Variants in KCNT1 observed in about 807,000 individuals in gnomAD.
KCNT1 encodes potassium channel subfamily T member 1.
KCNT1 carries 78 observed loss-of-function variants against 147.8 expected under a neutral mutation model. The observed-to-expected ratio is 0.53, with a 90% CI of 0.44 to 0.64. The LOEUF (loss-of-function observed/expected upper bound fraction) is 0.64. Among genes scored for constraint, KCNT1 ranks in the 30% least tolerant of loss-of-function variants. The probability of loss-of-function intolerance (pLI) is 0.00; values close to 1 mark genes in which losing one functional copy is unlikely to be tolerated. For missense variants in KCNT1, 1,419 were observed against 1,750.3 expected (o/e 0.81, Z 3.38); for synonymous variants, 867 against 748.8 (o/e 1.16, Z -2.58).
rs537415384 is a variant in KCNT1, at chr9:135,782,341, C to T, written c.2842-1683C>T. ...GAGGAGTCTCTCCCCTGAGGCCCAC[C>T]TCCCCTGCCGTCCACCTCCCCTGGT... On this transcript the variant is annotated intron_variant, in intron 24 of 30. Transcript: ENST00000371757. Among the ~76,000 whole-genome samples the T allele has an allele frequency of 7.7e-3, 1,178 of 152,294 alleles. 3 individuals are homozygous for T. The highest frequency in any genetic ancestry group is 0.013 in the Non-Finnish European group (867 of 68,014).
At chr9:135,706,235 G>A (rs1835249502) in intron 1 of KCNT1, among the ~76,000 whole-genome samples, 1 of 152,202 alleles carries the variant, frequency 6.6e-6, no homozygotes, top group Non-Finnish European at 1.5e-5. Flanking sequence ...AAGCTGTGTT[G>A]GCGTCGGGAG....
chr9:135,745,042 C>A (rs1026596098), intron 2 of KCNT1, among the ~76,000 whole-genome samples: 2 of 152,212 alleles, frequency 1.3e-5, no homozygotes, highest in African/African-American at 4.8e-5. Flanking sequence ...GACCCGTGGC[C>A]GGGGATCCGG....
intron 2 of KCNT1, among the ~76,000 whole-genome samples, chr9:135,746,394 C>CAGG (rs1830834994): frequency 6.6e-6 from 1 of 152,160 alleles, no homozygotes; most frequent in East Asian, 1.9e-4. Context: ...TCTGGGGTGC[C>CAGG]AGGAGGAGGT....
chr9:135,737,922 C>A (rs913888686), intron 2 of KCNT1, among the ~76,000 whole-genome samples: 1 of 152,220 alleles, frequency 6.6e-6, no homozygotes, highest in Non-Finnish European at 1.5e-5. Context: ...GGGCAGCCTC[C>A]GCCAGGGAGG....
chr9:135,719,514 A>G (rs1835843736), intron 2 of KCNT1, among the ~76,000 whole-genome samples: 2 of 152,254 alleles, frequency 1.3e-5, no homozygotes, highest in South Asian at 4.1e-4. Flanking sequence ...ATTCCAGACA[A>G]GGAGTCCCAG....
At position 135,778,733 on chromosome 9, in the gene KCNT1, G is replaced by T; in HGVS notation, c.2640G>T (p.Leu880=). 2.5e-6 allele frequency: 4 copies of T among 1,613,842 alleles called. No homozygotes were observed. Among genetic ancestry groups the T allele is most frequent in the Non-Finnish European group, 3.4e-6 (4 of 1,179,928 alleles). The change falls in exon 23 of 31, where the codon CTG becomes CTT. Residue 880 remains leucine, a synonymous_variant. Transcript: ENST00000371757. ...LQCGIIYADN[L]VVVDKESTMS... is the part of the protein sequence containing the mutation. Reference sequence around the variant, plus strand: ...GTGGCATCATCTATGCGGACAACCTGGTGGTGGTGGACAAGGAGAGCACCA... The same window carrying T: ...GTGGCATCATCTATGCGGACAACCTTGTGGTGGTGGACAAGGAGAGCACCA...
intron 25 of KCNT1, 21 bp downstream of exon 25, chr9:135,784,146 A>G (rs1489711326): frequency 6.3e-7 from 1 of 1,588,860 alleles, no homozygotes; most frequent in African/African-American, 1.3e-5. Flanking sequence ...AAGCGGCAGC[A>G]GGAGGGTGGC....
chr9:135,778,629 G>A, intron 22 of KCNT1, 59 bp from the exon 23 acceptor site: 2 of 1,608,662 alleles, frequency 1.2e-6, no homozygotes, highest in Admixed American at 1.7e-5. Context: ...AAATCCCGGG[G>A]TCCTGTGGGT....
At chr9:135,751,990 C>T in intron 4 of KCNT1, 1 of 200,972 alleles carries the variant, frequency 5.0e-6, no homozygotes, top group Non-Finnish European at 1.0e-5. Context: ...TTACGCTTTC[C>T]CCATCTGCTG....
intron 2 of KCNT1, among the ~76,000 whole-genome samples, chr9:135,747,964 C>A (rs1197117805): frequency 6.6e-6 from 1 of 152,160 alleles, no homozygotes; most frequent in East Asian, 1.9e-4. Context: ...ATTTTTGAGA[C>A]AGGGCCTCGC....
chr9:135,722,952 G>T (rs144702785), intron 2 of KCNT1, among the ~76,000 whole-genome samples: 1 of 152,218 alleles, frequency 6.6e-6, no homozygotes, highest in African/African-American at 2.4e-5. Flanking sequence ...AAAAGATGTC[G>T]TGGGAAATCC....
chr9:135,717,499 C>G (rs1564316624), intron 2 of KCNT1, among the ~76,000 whole-genome samples: 2 of 152,048 alleles, frequency 1.3e-5, no homozygotes, highest in Non-Finnish European at 2.9e-5. Context: ...TTGCCTGGCT[C>G]CCCCTGGAGG....
chr9:135,758,566 G>A (rs1831677111), intron 10 of KCNT1, 58 bp downstream of exon 10: 2 of 1,371,900 alleles, frequency 1.5e-6, no homozygotes, highest in African/African-American at 1.4e-5. Context: ...CGAGAGGCAA[G>A]CAGGGCCGGG....
intron 13 of KCNT1, 165 bp from the exon 14 acceptor site, chr9:135,768,445 T>C: frequency 1.8e-6 from 1 of 545,862 alleles, no homozygotes. Context: ...CCTCCCCGCC[T>C]TCCATCCTCT....
intron 19 of KCNT1, 86 bp downstream of exon 19, chr9:135,773,035 T>A: frequency 1.1e-6 from 1 of 928,618 alleles, no homozygotes; most frequent in Non-Finnish European, 1.5e-6. Flanking sequence ...TCCTTGGTGG[T>A]CCCCCATGCT....
intron 21 of KCNT1, 135 bp from the exon 22 acceptor site, chr9:135,778,289 C>T (rs1410230157): frequency 1.4e-6 from 1 of 725,282 alleles, no homozygotes. Flanking sequence ...AAAGTACTCC[C>T]CAGGTCCCAT....
chr9:135,741,072 A>G (rs1479016172), intron 2 of KCNT1, among the ~76,000 whole-genome samples: 1 of 152,064 alleles, frequency 6.6e-6, no homozygotes, highest in African/African-American at 2.4e-5. Context: ...CCCTGGGTGG[A>G]TCCTCTACCC....
At chr9:135,708,033 G>T (rs959555905) in intron 1 of KCNT1, among the ~76,000 whole-genome samples, 1 of 152,272 alleles carries the variant, frequency 6.6e-6, no homozygotes, top group East Asian at 1.9e-4. Flanking sequence ...TTTAATCATC[G>T]TGCAAAGGAA....
chr9:135,754,811 C>T (rs2131425747), intron 5 of KCNT1, among the ~76,000 whole-genome samples: 1 of 152,294 alleles, frequency 6.6e-6, no homozygotes. Flanking sequence ...GAAGCTTTGC[C>T]ACCCTTGGTA....
Sources: allele counts gnomAD v4.1 joint callset (sites outside exome capture counted in the v4.1 genomes callset), GRCh38; gene constraint gnomAD v4.1.1; transcripts MANE v1.5; gene names NCBI Gene and HGNC (gene_info 2026-07-23, HGNC 2026-07-21).